MLLT10: variants seen among roughly 807,000 people sequenced by gnomAD.
MLLT10 encodes protein AF-10.
A neutral mutation model predicts 129.1 loss-of-function variants in MLLT10; 30 were observed. The observed-to-expected ratio is 0.23, with a 90% confidence interval of 0.17 to 0.32. The LOEUF (loss-of-function observed/expected upper bound fraction) is 0.32, where lower values mean the gene tolerates loss of function less well. Among genes scored for constraint, MLLT10 ranks in the 10% least tolerant of loss-of-function variants. MLLT10 has a pLI of 1.00. For synonymous variants in MLLT10, 490 were observed against 446.4 expected, an observed-to-expected ratio of 1.10 and a Z score of -1.23; for missense variants, 1,119 against 1,268.3, an observed-to-expected ratio of 0.88 and a Z score of 1.79.
intron 14 of MLLT10, among the ~76,000 whole-genome samples, chr10:21,714,776 C>T (rs1400774214): frequency 1.3e-5 from 2 of 152,204 alleles, no homozygotes; most frequent in Non-Finnish European, 2.9e-5. Context: ...AGGTAATCTG[C>T]CTGCCTTGGC....
chr10:21,665,991 C>T (rs1454265019), intron 9 of MLLT10, among the ~76,000 whole-genome samples: 1 of 152,194 alleles, frequency 6.6e-6, no homozygotes, highest in Non-Finnish European at 1.5e-5. Flanking sequence ...TGAGCCACTG[C>T]ACCTGGCCTC....
intron 4 of MLLT10, among the ~76,000 whole-genome samples, chr10:21,591,552 A>G (rs1475241996): frequency 2.0e-5 from 3 of 152,116 alleles, no homozygotes; most frequent in Non-Finnish European, 2.9e-5. Context: ...TAACAATGCA[A>G]CTAGTTAGTA....
intron 13 of MLLT10, among the ~76,000 whole-genome samples, chr10:21,710,254 G>A (rs2055945212): frequency 6.6e-6 from 1 of 152,192 alleles, no homozygotes; most frequent in Non-Finnish European, 1.5e-5. Flanking sequence ...CATATCAAGA[G>A]TTGTAAGTAA....
intron 2 of MLLT10, 120 bp downstream of exon 2, chr10:21,534,924 AGGGTCCGCGGCGGGGCGCGGG>A (rs1487347018): frequency 4.6e-5 from 30 of 647,360 alleles, no homozygotes; most frequent in South Asian, 1.3e-4. Flanking sequence ...AGGGACGCGG[AGGGTCCGCGGCGGGGCGCGGG>A]GGGTGTGGGC....
intron 8 of MLLT10, among the ~76,000 whole-genome samples, chr10:21,622,171 T>C (rs1261122479): frequency 6.8e-6 from 1 of 146,090 alleles, no homozygotes; most frequent in Non-Finnish European, 1.5e-5. Flanking sequence ...TTTTTTTTTT[T>C]TTTTGAGATG....
chr10:21,662,116 T>C (rs2050272671), intron 9 of MLLT10, among the ~76,000 whole-genome samples: 1 of 152,334 alleles, frequency 6.6e-6, no homozygotes, highest in East Asian at 1.9e-4. Context: ...TTAGTGCCTG[T>C]GTGGGTAAGG....
At chr10:21,631,428 C>A (rs996908786) in intron 8 of MLLT10, among the ~76,000 whole-genome samples, 10 of 150,608 alleles carry the variant, frequency 6.6e-5, no homozygotes, top group Middle Eastern at 3.5e-3. Context: ...CTACGAAGTC[C>A]CTGGAATTTT....
At chr10:21,549,495 C>T (rs777836146) in intron 3 of MLLT10, among the ~76,000 whole-genome samples, 13 of 152,072 alleles carry the variant, frequency 8.5e-5, no homozygotes, top group Non-Finnish European at 1.5e-4. Context: ...CTTTTTCTAT[C>T]TTCCTTCTGT....
In MLLT10 at chr10:21,735,792, G is replaced by A. The variant is rs978425033; in HGVS notation, c.2955+557G>A. 3.3e-5 allele frequency among the ~76,000 whole-genome samples: 5 copies of A among 152,284 alleles called. No individual in the cohort carries two copies. The Middle Eastern group carries it at 0.01, about 311-fold the overall frequency. On this transcript the variant is annotated intron_variant, in intron 21 of 22. Coordinates refer to ENST00000307729, the MANE Select transcript of MLLT10 (RefSeq NM_001195626.3). The stretch of plus-strand genomic sequence containing the variant: ...CTTGTGTTCGGAAGAGAAGTCAGCA[G>A]CCATGTGGTCAGAGGGTGGGAGAGG...
Position 21,696,526 on chromosome 10 carries a change from G to A in MLLT10, c.1699+14269G>A, listed in dbSNP as rs1164425423. Among the ~76,000 whole-genome samples the A allele has an allele frequency of 2.0e-5, 3 of 152,098 alleles. No homozygotes were observed. In the South Asian group the frequency reaches 6.2e-4, roughly 32 times the overall value. ...GGCTCTCACATTGCCAAGTCAGTGGGTATTTTTAGTCTTCATCTTAGATGA... is the reference window on the plus strand; with the variant it reads ...GGCTCTCACATTGCCAAGTCAGTGGATATTTTTAGTCTTCATCTTAGATGA... On this transcript the variant is annotated intron_variant, in intron 13 of 22. Coordinates refer to ENST00000307729, the MANE Select transcript of MLLT10 (RefSeq NM_001195626.3).
intron 3 of MLLT10, among the ~76,000 whole-genome samples, chr10:21,572,684 A>G (rs111719320): frequency 8.5e-4 from 129 of 151,866 alleles, no homozygotes; most frequent in African/African-American, 2.6e-3. Context: ...CAGTGGTGCA[A>G]TCTTTGCTCA....
rs1171692826 is a variant in MLLT10 at position 21,728,228 on chromosome 10, C to T, written c.2063+300C>T. On this transcript the variant is annotated intron_variant, in intron 16 of 22. Transcript: ENST00000307729. ...TTTGATCATAAAATAGTTTTAAGAT[C>T]TCTTAAAGTTGTAGACCCAAGACTT... 2.6e-5 allele frequency among the ~76,000 whole-genome samples: 4 copies of T among 152,110 alleles called. No individual in the cohort carries two copies. The South Asian group carries it at 6.2e-4, about 24-fold the overall frequency.
At chr10:21,592,269 G>C (rs1186239508) in intron 4 of MLLT10, among the ~76,000 whole-genome samples, 2 of 151,816 alleles carry the variant, frequency 1.3e-5, no homozygotes, top group Admixed American at 1.3e-4. Context: ...CTTCAGTTCT[G>C]AGCTTCCTTC....
chr10:21,720,487 C>T (rs2057051709), intron 14 of MLLT10, among the ~76,000 whole-genome samples: 2 of 152,312 alleles, frequency 1.3e-5, no homozygotes, highest in African/African-American at 4.8e-5. Flanking sequence ...CAATTGTTCC[C>T]TAATCCATGT....
chr10:21,552,264 T>C (rs745749687), intron 3 of MLLT10, among the ~76,000 whole-genome samples: 4 of 152,056 alleles, frequency 2.6e-5, no homozygotes, highest in Admixed American at 6.6e-5. Flanking sequence ...AGCAGTGTTA[T>C]TACTTTTTGG....
intron 3 of MLLT10, among the ~76,000 whole-genome samples, chr10:21,553,897 G>A (rs371162453): frequency 1.3e-5 from 2 of 152,206 alleles, no homozygotes; most frequent in East Asian, 1.9e-4. Context: ...TGATCTGCCC[G>A]TCTCAGCCTC....
At chr10:21,542,443 G>A (rs1179697194) in intron 3 of MLLT10, among the ~76,000 whole-genome samples, 1 of 152,146 alleles carries the variant, frequency 6.6e-6, no homozygotes, top group African/African-American at 2.4e-5. Context: ...GGTAGTGAGC[G>A]CCTGTAATCC....
At chr10:21,651,999 A>G (rs1332639326) in intron 9 of MLLT10, among the ~76,000 whole-genome samples, 1 of 132,430 alleles carries the variant, frequency 7.6e-6, no homozygotes, top group Non-Finnish European at 1.5e-5. Context: ...TGCAACCTCC[A>G]CTTACCTGGT....
chr10:21,717,921 CCTT>C (rs779073095), intron 14 of MLLT10, among the ~76,000 whole-genome samples: 15 of 148,054 alleles, frequency 1.0e-4, no homozygotes, highest in African/African-American at 2.0e-4. Context: ...TTCTCCTTCT[CCTT>C]CTTCTTCTCC....
Sources: allele counts gnomAD v4.1 joint callset (sites outside exome capture counted in the v4.1 genomes callset), GRCh38; gene constraint gnomAD v4.1.1; transcripts MANE v1.5; gene names NCBI Gene and HGNC (gene_info 2026-07-23, HGNC 2026-07-21).